DIP2C: variants seen among roughly 807,000 people sequenced by gnomAD.
The protein encoded by DIP2C is DIP2 acetate--CoA ligase C (putative), also known as disco-interacting protein 2 homolog C.
In DIP2C, 33 loss-of-function variants were observed where a neutral mutation model predicts 192.4. That is an observed-to-expected ratio of 0.17 (90% CI 0.13 to 0.23). The LOEUF is 0.23. Ranked by LOEUF, DIP2C falls within the 10% of genes least tolerant of loss-of-function variation. DIP2C has a pLI of 1.00. For synonymous variants in DIP2C, 979 were observed against 864.1 expected, an observed-to-expected ratio of 1.13 and a Z score of -2.33; for missense variants, 1,537 against 2,110.1, an observed-to-expected ratio of 0.73 and a Z score of 5.32.
intron 1 of DIP2C, among the ~76,000 whole-genome samples, chr10:598,221 G>T (rs373716096): frequency 6.6e-6 from 1 of 152,142 alleles, no homozygotes; most frequent in African/African-American, 2.4e-5. Context: ...CAAGGGCCAC[G>T]AGGGCCTCCC....
intron 3 of DIP2C, among the ~76,000 whole-genome samples, chr10:463,361 C>A (rs1969945012): frequency 6.6e-6 from 1 of 152,020 alleles, no homozygotes; most frequent in South Asian, 2.1e-4. Flanking sequence ...AATAATAGAC[C>A]AACAGGGGGC....
chr10:329,944 C>T (rs141458594), intron 29 of DIP2C, among the ~76,000 whole-genome samples: 2,128 of 151,678 alleles, frequency 0.014, 33 homozygotes, highest in Non-Finnish European at 0.023. Context: ...GATCAAATTT[C>T]GGTTTAAAAA....
intron 9 of DIP2C, among the ~76,000 whole-genome samples, chr10:404,302 C>T (rs994957379): frequency 3.3e-5 from 5 of 151,786 alleles, no homozygotes; most frequent in Non-Finnish European, 5.9e-5. Context: ...TCTGCTTCCC[C>T]GGTTCAAGCG....
chr10:318,787 T>C (rs1406059263), intron 31 of DIP2C, among the ~76,000 whole-genome samples: 1 of 152,190 alleles, frequency 6.6e-6, no homozygotes, highest in Non-Finnish European at 1.5e-5. Flanking sequence ...TTTATTTCCT[T>C]CACCTAAAAG....
chr10:598,989 GC>G (rs1187846821), intron 1 of DIP2C, among the ~76,000 whole-genome samples: 1 of 152,210 alleles, frequency 6.6e-6, no homozygotes, highest in Non-Finnish European at 1.5e-5. Flanking sequence ...CACAGGCACG[GC>G]CCCCGGGCCC....
chr10:653,431 G>C (rs951807702), intron 1 of DIP2C, among the ~76,000 whole-genome samples: 2 of 152,192 alleles, frequency 1.3e-5, no homozygotes, highest in Admixed American at 6.5e-5. Flanking sequence ...CGGGGTGACA[G>C]AGCGAGACTC....
chr10:575,342 G>C (rs924626125), intron 1 of DIP2C, among the ~76,000 whole-genome samples: 9 of 152,180 alleles, frequency 5.9e-5, no homozygotes, highest in Non-Finnish European at 1.2e-4. Context: ...TACATTAACT[G>C]AAGTTTTCAA....
chr10:298,177 G>A (rs1020982579), intron 32 of DIP2C, among the ~76,000 whole-genome samples: 5 of 152,084 alleles, frequency 3.3e-5, no homozygotes, highest in African/African-American at 7.2e-5. Flanking sequence ...TGGCCGTCAC[G>A]TCTCCCTGAG....
At chr10:599,781 C>G (rs1195218278) in intron 1 of DIP2C, among the ~76,000 whole-genome samples, 3 of 152,210 alleles carry the variant, frequency 2.0e-5, no homozygotes, top group Non-Finnish European at 4.4e-5. Flanking sequence ...CGGTTGTCAT[C>G]CTGCTTTTGA....
chr10:589,867 C>CAACATGAG (rs1299727454), intron 1 of DIP2C, among the ~76,000 whole-genome samples: 2 of 152,156 alleles, frequency 1.3e-5, no homozygotes, highest in Non-Finnish European at 2.9e-5. Flanking sequence ...CCAAGGGCCA[C>CAACATGAG]AACATGAGAC....
At chr10:452,578 GC>G (rs1968935942) in intron 3 of DIP2C, among the ~76,000 whole-genome samples, 1 of 152,170 alleles carries the variant, frequency 6.6e-6, no homozygotes, top group South Asian at 2.1e-4. Flanking sequence ...ATCTACAATA[GC>G]GATTAAATGG....
Position 416,290 on chromosome 10 carries a change from C to A in DIP2C, c.740-402G>T, listed in dbSNP as rs112330356. Among the ~76,000 whole-genome samples, 912 of 152,196 alleles carry A rather than the reference C, an allele frequency of 6.0e-3. 3 individuals carry two copies. The highest frequency in any genetic ancestry group is 0.014 in the Middle Eastern group (4 of 294). ...CCGTGGAGCAGTAAGTCCTTCCCTG[C>A]GTCTATCTCTCCAGAGACCACCAGC... On this transcript the variant is annotated intron_variant, in intron 6 of 36. Transcript: ENST00000280886.
rs779121269 is a variant in DIP2C at position 689,593 on chromosome 10, G to A, written c.-15C>T. On this transcript the variant is annotated 5_prime_UTR_variant, in exon 1 of 37. Transcript: ENST00000280886. This position sits in a 1 kb window ranked among gnomAD's most constrained non-coding sequence, Gnocchi z 6.1. ...CGGTCCGCCATGCTCCGCGGGCGCC[G>A]CGCCCCGCACGGCCTCCTCTTTGTT... 5.2e-6 allele frequency: 6 copies of A among 1,146,880 alleles called. No individual in the cohort carries two copies. In the East Asian group the frequency reaches 1.5e-4, roughly 29 times the overall value. The allele number at this position is 1,146,880 out of a possible 1,614,324, so 71.0% of individuals were successfully genotyped here.
chr10:367,345 A>G (rs976139681), intron 18 of DIP2C, among the ~76,000 whole-genome samples: 1 of 147,638 alleles, frequency 6.8e-6, no homozygotes, highest in Non-Finnish European at 1.5e-5. Context: ...TGAACCCGGG[A>G]GGCAGAGCCT....
chr10:485,432 C>T lies in DIP2C; in HGVS notation c.157+1027G>A, dbSNP rs1329911251. 7.2e-5 allele frequency among the ~76,000 whole-genome samples: 11 copies of T among 152,326 alleles called. No homozygotes were observed. In the East Asian group the frequency reaches 1.5e-3, roughly 21 times the overall value. Reference sequence around the variant, plus strand: ...GCTCCCCTTCTCTCGGGTTCCTCGGCGTCTATCCCTGACTTAAGCCTCTGC... The same window carrying T: ...GCTCCCCTTCTCTCGGGTTCCTCGGTGTCTATCCCTGACTTAAGCCTCTGC... On this transcript the variant is annotated intron_variant, in intron 2 of 36. Transcript: ENST00000280886.
chr10:437,303 C>T (rs1967340834), intron 4 of DIP2C, among the ~76,000 whole-genome samples: 1 of 150,220 alleles, frequency 6.7e-6, no homozygotes. Context: ...GCTCCACCCA[C>T]ACCTGAGCTC....
intron 1 of DIP2C, among the ~76,000 whole-genome samples, chr10:635,344 C>G (rs1321527797): frequency 6.6e-6 from 1 of 152,234 alleles, no homozygotes; most frequent in Non-Finnish European, 1.5e-5. Context: ...GCTGTGATCG[C>G]CCCTCACAGA....
At chr10:365,376 ATTTTT>A (rs572532801) in intron 19 of DIP2C, among the ~76,000 whole-genome samples, 2 of 150,830 alleles carry the variant, frequency 1.3e-5, no homozygotes, top group Non-Finnish European at 3.0e-5. Flanking sequence ...GTACACAAGA[ATTTTT>A]TTTTTAATTA....
intron 1 of DIP2C, among the ~76,000 whole-genome samples, chr10:586,005 A>C (rs1327069611): frequency 6.6e-6 from 1 of 152,190 alleles, no homozygotes; most frequent in East Asian, 1.9e-4. Flanking sequence ...ACGGGCCTCA[A>C]GGAGACACAG....
Sources: allele counts gnomAD v4.1 joint callset (sites outside exome capture counted in the v4.1 genomes callset), GRCh38; gene constraint gnomAD v4.1.1; non-coding constraint Gnocchi (gnomAD v3.1); transcripts MANE v1.5; gene names NCBI Gene and HGNC (gene_info 2026-07-23, HGNC 2026-07-21).